Variants in RBFOX1 observed in about 807,000 individuals in gnomAD.
RBFOX1 encodes RNA binding fox-1 homolog 1.
RBFOX1 carries 8 observed loss-of-function variants against 57.7 expected under a neutral mutation model. The observed-to-expected ratio is 0.14, with a 90% CI of 0.08 to 0.25. The LOEUF is 0.25. Among genes scored for constraint, RBFOX1 ranks in the 10% least tolerant of loss-of-function variants. RBFOX1 has a pLI of 1.00. For synonymous variants in RBFOX1, 326 were observed against 222.4 expected, an observed-to-expected ratio of 1.47 and a Z score of -4.15; for missense variants, 611 against 548.5, an observed-to-expected ratio of 1.11 and a Z score of -1.14.
At chr16:5,248,938 A>G (rs1269930318) in intron 1 of RBFOX1, among the ~76,000 whole-genome samples, 1 of 133,496 alleles carries the variant, frequency 7.5e-6, no homozygotes, top group Non-Finnish European at 1.6e-5. Context: ...CAGTGAGCTG[A>G]GATTGTGCCA....
chr16:7,053,418 G>T (rs2050787597), intron 4 of RBFOX1, among the ~76,000 whole-genome samples: 1 of 152,064 alleles, frequency 6.6e-6, no homozygotes, highest in Non-Finnish European at 1.5e-5. Flanking sequence ...CTGAATTACT[G>T]GTTCATCCTG....
intron 1 of RBFOX1, among the ~76,000 whole-genome samples, chr16:6,212,225 T>C (rs1256599414): frequency 6.6e-6 from 1 of 152,058 alleles, no homozygotes; most frequent in Non-Finnish European, 1.5e-5. Context: ...CTAATATACA[T>C]TGTTAATTGG....
At chr16:6,156,556 G>A (rs189006174) in intron 1 of RBFOX1, among the ~76,000 whole-genome samples, 5 of 152,320 alleles carry the variant, frequency 3.3e-5, no homozygotes, top group African/African-American at 9.6e-5. Context: ...GCAAAGTTGT[G>A]TGGGGAGCTG....
intron 3 of RBFOX1, among the ~76,000 whole-genome samples, chr16:6,847,388 C>G (rs559775112): frequency 6.6e-6 from 1 of 152,030 alleles, no homozygotes; most frequent in African/African-American, 2.4e-5. Context: ...TGTGCACATT[C>G]TGGGGCCGGG....
intron 3 of RBFOX1, among the ~76,000 whole-genome samples, chr16:6,796,171 C>G (rs1028592773): frequency 5.3e-5 from 8 of 152,036 alleles, no homozygotes; most frequent in Non-Finnish European, 1.2e-4. Context: ...GAGAAGAGAG[C>G]TTGTGCAGGG....
intron 4 of RBFOX1, chr16:7,332,810 A>G: frequency 7.8e-6 from 11 of 1,406,386 alleles, no homozygotes; most frequent in Non-Finnish European, 9.2e-6. Flanking sequence ...TCTGGGAAGA[A>G]AACTTTCACA....
chr16:6,799,311 A>C (rs555657276), intron 3 of RBFOX1, among the ~76,000 whole-genome samples: 1 of 152,164 alleles, frequency 6.6e-6, no homozygotes. Flanking sequence ...ATTTCTAGCT[A>C]CTTATCATTA....
intron 3 of RBFOX1, among the ~76,000 whole-genome samples, chr16:6,870,018 A>G (rs1180501846): frequency 2.0e-5 from 3 of 152,192 alleles, no homozygotes; most frequent in Admixed American, 6.5e-5. Flanking sequence ...TGTGAGATCT[A>G]TGCATATCTA....
intron 2 of RBFOX1, among the ~76,000 whole-genome samples, chr16:6,406,668 C>G (rs185396038): frequency 1.3e-5 from 2 of 151,508 alleles, no homozygotes; most frequent in Non-Finnish European, 2.9e-5. Context: ...TTCCTATGCT[C>G]GGTCAATTTT....
chr16:7,273,061 TC>T lies in RBFOX1; in HGVS notation c.27+220966del, dbSNP rs1488906473. ...CCTTCCCCTCCCTTCCCTCCCTCCT[TC>T]CCTCCCTCCTTCCATCCTTCCGCTC... On this transcript the variant is annotated intron_variant, in intron 4 of 15. Transcript: ENST00000550418. Among the ~76,000 whole-genome samples, 193 of 113,316 alleles carry T rather than the reference TC, an allele frequency of 1.7e-3. 3 individuals are homozygous for T. Among genetic ancestry groups the T allele is most frequent in the African/African-American group, 6.5e-3 (185 of 28,264 alleles). 74.3% of individuals were successfully genotyped at this position (113,316 alleles called of 152,430 possible). A position where few individuals can be genotyped will look rare whatever the true frequency, so the allele number is the denominator to read the frequency against.
rs138439050 is a variant in RBFOX1 at position 6,543,463 on chromosome 16, C to G, written c.-63-111140C>G. The stretch of plus-strand genomic sequence containing the variant: ...TGCAGAGGCATTTTCTTTCTTGACT[C>G]TGACATGTGGCTCAGTTTGGGAACC... On this transcript the variant is annotated intron_variant, in intron 2 of 15. Transcript: ENST00000550418. Among the ~76,000 whole-genome samples the G allele has an allele frequency of 4.4e-3, 673 of 152,262 alleles. 1 individual carries two copies. Among genetic ancestry groups the G allele is most frequent in the African/African-American group, 0.014 (575 of 41,560 alleles).
At chr16:7,014,140 C>CA (rs1279131507) in intron 3 of RBFOX1, among the ~76,000 whole-genome samples, 5 of 152,114 alleles carry the variant, frequency 3.3e-5, no homozygotes, top group Admixed American at 6.5e-5. Flanking sequence ...AATAAATGCT[C>CA]AAAAAGAACT....
At chr16:6,893,326 C>T (rs1187668974) in intron 3 of RBFOX1, among the ~76,000 whole-genome samples, 2 of 152,146 alleles carry the variant, frequency 1.3e-5, no homozygotes, top group African/African-American at 4.8e-5. Context: ...AGAGATCAAA[C>T]TCATATAGGT....
At chr16:5,644,315 G>A (rs1411745690) in intron 3 of RBFOX1, among the ~76,000 whole-genome samples, 1 of 152,180 alleles carries the variant, frequency 6.6e-6, no homozygotes, top group African/African-American at 2.4e-5. Context: ...CTTGAATGGT[G>A]CCAGAGATCC....
chr16:6,808,397 A>T (rs963671315), intron 3 of RBFOX1, among the ~76,000 whole-genome samples: 1 of 151,964 alleles, frequency 6.6e-6, no homozygotes, highest in Non-Finnish European at 1.5e-5. Flanking sequence ...TGCTTTCTTA[A>T]GTGCTATGGA....
chr16:6,332,415 C>G (rs1039784686), intron 2 of RBFOX1, among the ~76,000 whole-genome samples: 9 of 152,042 alleles, frequency 5.9e-5, no homozygotes, highest in African/African-American at 1.7e-4. Context: ...AATGCACAAA[C>G]AGATATTAGA....
intron 3 of RBFOX1, among the ~76,000 whole-genome samples, chr16:6,748,486 T>C (rs557837227): frequency 3.9e-5 from 6 of 152,050 alleles, no homozygotes; most frequent in African/African-American, 9.6e-5. Context: ...CATAACAAGA[T>C]CCCGTCTCTC....
chr16:7,701,081 C>T (rs528484473), intron 14 of RBFOX1, among the ~76,000 whole-genome samples: 2 of 152,082 alleles, frequency 1.3e-5, no homozygotes, highest in South Asian at 2.1e-4. Flanking sequence ...AGGGAAATCA[C>T]GAGGTTGAAA....
chr16:5,785,926 T>C (rs1221148240), intron 3 of RBFOX1, among the ~76,000 whole-genome samples: 1 of 152,164 alleles, frequency 6.6e-6, no homozygotes, highest in African/African-American at 2.4e-5. Context: ...GCTTGTGGAT[T>C]ACTGAAACCA....
Sources: allele counts gnomAD v4.1 joint callset (sites outside exome capture counted in the v4.1 genomes callset), GRCh38; gene constraint gnomAD v4.1.1; transcripts MANE v1.5; gene names NCBI Gene and HGNC (gene_info 2026-07-23, HGNC 2026-07-21).